Variants in NRXN3 observed in about 807,000 individuals in gnomAD.
NRXN3 encodes the protein neurexin 3.
Under a neutral mutation model 137.6 loss-of-function variants are expected in NRXN3, and 32 were observed. The ratio of observed to expected loss-of-function variants is 0.23; its 90% confidence interval spans 0.18 to 0.31. The LOEUF is 0.31. Among genes scored for constraint, NRXN3 ranks in the 10% least tolerant of loss-of-function variants. The pLI is 1.00. For missense variants in NRXN3, 1,574 were observed against 2,062.5 expected, an observed-to-expected ratio of 0.76 and a Z score of 4.59; for synonymous variants, 798 against 784.5, an observed-to-expected ratio of 1.02 and a Z score of -0.29.
intron 19 of NRXN3, among the ~76,000 whole-genome samples, chr14:79,746,940 A>G (rs1455474599): frequency 6.6e-6 from 1 of 152,136 alleles, no homozygotes; most frequent in Non-Finnish European, 1.5e-5. Flanking sequence ...GATTTGCTGA[A>G]GCAAAGTTCT....
At chr14:79,172,085 C>A (rs953409002) in intron 15 of NRXN3, among the ~76,000 whole-genome samples, 3 of 151,958 alleles carry the variant, frequency 2.0e-5, no homozygotes, top group Non-Finnish European at 4.4e-5. Flanking sequence ...AAAATATCTT[C>A]TCACCTTTAG....
intron 15 of NRXN3, among the ~76,000 whole-genome samples, chr14:79,448,747 A>G (rs1168690121): frequency 1.3e-5 from 2 of 152,314 alleles, no homozygotes; most frequent in South Asian, 2.1e-4. Context: ...ACACTTATGT[A>G]TATACATACA....
intron 15 of NRXN3, among the ~76,000 whole-genome samples, chr14:79,110,581 A>G (rs557539717): frequency 2.0e-5 from 3 of 152,284 alleles, no homozygotes; most frequent in African/African-American, 7.2e-5. Context: ...TGCATTTGGC[A>G]TTTGCTGTTT....
intron 4 of NRXN3, among the ~76,000 whole-genome samples, chr14:78,481,422 C>T (rs1483113970): frequency 6.6e-6 from 1 of 152,134 alleles, no homozygotes; most frequent in Non-Finnish European, 1.5e-5. Context: ...CAAGAATCCT[C>T]TCCCAGGCAG....
intron 4 of NRXN3, among the ~76,000 whole-genome samples, chr14:78,380,684 G>C (rs1398887770): frequency 6.6e-6 from 1 of 152,128 alleles, no homozygotes; most frequent in South Asian, 2.1e-4. Context: ...AGAACTGTGA[G>C]AGAGTAATTT....
chr14:79,622,405 T>C (rs2098234067), intron 16 of NRXN3, among the ~76,000 whole-genome samples: 1 of 152,182 alleles, frequency 6.6e-6, no homozygotes, highest in African/African-American at 2.4e-5. Flanking sequence ...CTGCATGGCT[T>C]TCGGCATTTC....
At chr14:78,623,181 A>G (rs1238274304) in intron 4 of NRXN3, among the ~76,000 whole-genome samples, 2 of 152,222 alleles carry the variant, frequency 1.3e-5, no homozygotes, top group African/African-American at 4.8e-5. Flanking sequence ...TTTATACATT[A>G]TGTATGTTAA....
At chr14:78,762,935 T>G (rs2098697346) in intron 8 of NRXN3, among the ~76,000 whole-genome samples, 1 of 152,166 alleles carries the variant, frequency 6.6e-6, no homozygotes, top group South Asian at 2.1e-4. Flanking sequence ...TGGAGGAGCC[T>G]TCCATGCTGT....
At chr14:78,543,906 G>C (rs1566700881) in intron 4 of NRXN3, among the ~76,000 whole-genome samples, 1 of 152,134 alleles carries the variant, frequency 6.6e-6, no homozygotes, top group Non-Finnish European at 1.5e-5. Context: ...AGAATATTAT[G>C]ATGGACCACT....
At chr14:78,582,604 A>AC (rs1297516022) in intron 4 of NRXN3, among the ~76,000 whole-genome samples, 1 of 152,136 alleles carries the variant, frequency 6.6e-6, no homozygotes, top group Non-Finnish European at 1.5e-5. Flanking sequence ...TTTCAGTCTC[A>AC]CCCTCACTTG....
At chr14:79,845,898 GAC>G (rs2099368049) in intron 20 of NRXN3, among the ~76,000 whole-genome samples, 1 of 130,324 alleles carries the variant, frequency 7.7e-6, no homozygotes, top group African/African-American at 2.8e-5. Flanking sequence ...TGGAGAGAAA[GAC>G]AGAGAGAGAG....
chr14:79,368,634 C>G, intron 15 of NRXN3, among the ~76,000 whole-genome samples: 1 of 152,118 alleles, frequency 6.6e-6, no homozygotes, highest in South Asian at 2.1e-4. Context: ...CCTCTGCCAC[C>G]TTTTGAGCTG....
At chr14:79,221,351 C>T (rs2069630697) in intron 15 of NRXN3, among the ~76,000 whole-genome samples, 1 of 152,134 alleles carries the variant, frequency 6.6e-6, no homozygotes, top group Non-Finnish European at 1.5e-5. Context: ...AATGGTTGAA[C>T]AAATTTACAC....
chr14:79,230,297 A>G (rs1384496353), intron 15 of NRXN3, among the ~76,000 whole-genome samples: 4 of 151,878 alleles, frequency 2.6e-5, no homozygotes, highest in African/African-American at 9.7e-5. Flanking sequence ...CCAAACTAAC[A>G]CTCTCCTATC....
At chr14:78,641,113 T>G (rs936314577) in intron 4 of NRXN3, among the ~76,000 whole-genome samples, 8 of 152,236 alleles carry the variant, frequency 5.3e-5, no homozygotes, top group African/African-American at 1.9e-4. Context: ...TTGTTTTTTC[T>G]AATGGAGGAT....
intron 19 of NRXN3, among the ~76,000 whole-genome samples, chr14:79,761,718 A>G (rs1434777245): frequency 6.7e-6 from 1 of 150,218 alleles, no homozygotes; most frequent in African/African-American, 2.5e-5. Context: ...AATAGATCTC[A>G]CTAGAAGTAT....
intron 1 of NRXN3, among the ~76,000 whole-genome samples, chr14:78,220,074 C>G (rs532988020): frequency 6.6e-6 from 1 of 151,886 alleles, no homozygotes; most frequent in East Asian, 1.9e-4. Context: ...GGGATAATGC[C>G]CAGGTTGCTA....
chr14:78,917,131 A>G (rs957729), intron 10 of NRXN3, among the ~76,000 whole-genome samples: 155 of 152,350 alleles, frequency 1.0e-3, no homozygotes, highest in African/African-American at 3.5e-3. Context: ...ACAACACCTC[A>G]TTAAGCCTGG....
In NRXN3 at chr14:79,416,077, A is replaced by G. The variant is rs1450628702; in HGVS notation, c.3263-51144A>G. On this transcript the variant is annotated intron_variant, in intron 15 of 20. Coordinates refer to ENST00000335750, the MANE Select transcript of NRXN3 (RefSeq NM_001330195.2). The stretch of plus-strand genomic sequence containing the variant: ...AAAGTGTGCCTGGGTTTTAGACCCA[A>G]GATTAAATCTGAAGCGAAACCAAAT... Among the ~76,000 whole-genome samples the G allele has an allele frequency of 1.1e-4, 17 of 152,262 alleles. No individual in the cohort carries two copies. In the East Asian group the frequency reaches 2.3e-3, roughly 21 times the overall value.
Sources: allele counts gnomAD v4.1 joint callset (sites outside exome capture counted in the v4.1 genomes callset), GRCh38; gene constraint gnomAD v4.1.1; transcripts MANE v1.5; gene names NCBI Gene and HGNC (gene_info 2026-07-23, HGNC 2026-07-21).